The following PIAS4 variants were observed in gnomAD, a reference collection of about 807,000 sequenced individuals.
PIAS4 encodes protein inhibitor of activated STAT 4.
Under a neutral mutation model 58.0 loss-of-function variants are expected in PIAS4, and 7 were observed. The observed-to-expected ratio is 0.12, with a 90% CI of 0.07 to 0.23. The LOEUF is 0.23. Among genes scored for constraint, PIAS4 ranks in the 10% least tolerant of loss-of-function variants. The pLI is 1.00. For synonymous variants in PIAS4, 364 were observed against 312.4 expected (o/e 1.17, Z -1.74); for missense variants, 550 against 709.5 (o/e 0.78, Z 2.55).
At chr19:4,011,736 G>C (rs1162232780) in intron 1 of PIAS4, among the ~76,000 whole-genome samples, 1 of 59,154 alleles carries the variant, frequency 1.7e-5, no homozygotes, top group Non-Finnish European at 3.5e-5. Context: ...GGGTGTGGAG[G>C]TGTGTGGGGT....
intron 1 of PIAS4, among the ~76,000 whole-genome samples, chr19:4,010,108 A>G (rs1464819473): frequency 6.6e-6 from 1 of 152,186 alleles, no homozygotes; most frequent in Admixed American, 6.5e-5. Flanking sequence ...TTATAAACAC[A>G]GCTCTGACGG....
intron 1 of PIAS4, among the ~76,000 whole-genome samples, chr19:4,011,236 T>C (rs2039989632): frequency 6.6e-6 from 1 of 152,218 alleles, no homozygotes; most frequent in Non-Finnish European, 1.5e-5. Flanking sequence ...CCCTTGACGC[T>C]TGAGCTTTCT....
In PIAS4 at chr19:4,037,504, G is replaced by A. The variant is rs761658845; in HGVS notation, c.1273G>A (p.Gly425Ser). ...CSPQGAILVL[G>S]PSDANGLLPA... ...CCCGCAGGGCGCCATCCTCGTGCTG[G>A]GTGAGTGCCTCACCCCACCAGCCGC... Residue 425 changes from glycine (G) to serine (S), a missense_variant and splice_region_variant, in exon 10 of 11, where the codon GGC becomes AGC. Coordinates refer to ENST00000262971, the MANE Select transcript of PIAS4 (RefSeq NM_015897.4). The surrounding 1 kb of genome is among the most constrained non-coding windows in gnomAD (Gnocchi z 5.8). 3.1e-6 allele frequency: 5 copies of A among 1,609,854 alleles called. No homozygotes were observed. Among genetic ancestry groups the A allele is most frequent in the Non-Finnish European group, 3.4e-6 (4 of 1,179,478 alleles).
Position 4,013,859 on chromosome 19 carries a change from G to T in PIAS4, c.454+510G>T, listed in dbSNP as rs145054396. On this transcript the variant is annotated intron_variant, in intron 2 of 10. Transcript: ENST00000262971. The surrounding 1 kb of genome is among the most constrained non-coding windows in gnomAD (Gnocchi z 5.1). ...GGTAGCGAGTGTGCACCTCCAAGCT[G>T]GGAGCTGGAGCCCTTTTTATAACCC... is the stretch of plus-strand genomic sequence containing the variant. Among the ~76,000 whole-genome samples, 609 of 152,258 alleles carry T rather than the reference G, an allele frequency of 4.0e-3. 5 individuals are homozygous for T. The highest frequency in any genetic ancestry group is 4.7e-3 in the Non-Finnish European group (317 of 68,016).
chr19:4,032,358 C>A (rs895334), intron 7 of PIAS4, among the ~76,000 whole-genome samples: 7 of 152,092 alleles, frequency 4.6e-5, no homozygotes, highest in Middle Eastern at 6.8e-3. Context: ...GGCCTGCCCC[C>A]CATGGCCCAG....
intron 2 of PIAS4, among the ~76,000 whole-genome samples, chr19:4,014,944 C>A (rs1391555569): frequency 6.6e-6 from 1 of 152,194 alleles, no homozygotes; most frequent in East Asian, 1.9e-4. Flanking sequence ...GAGGAAGGTG[C>A]TGTCGGTGGT....
At position 4,037,365 on chromosome 19, in the gene PIAS4, T is replaced by C; in HGVS notation, c.1143-9T>C. On this transcript the variant is annotated splice_polypyrimidine_tract_variant and intron_variant, in intron 9 of 10. Coordinates refer to ENST00000262971, the MANE Select transcript of PIAS4 (RefSeq NM_015897.4). The surrounding 1 kb of genome is among the most constrained non-coding windows in gnomAD (Gnocchi z 5.8). ...CCAGCCCCGGCGTCAGCTGTCCGCC[T>C]CGCCCCAGGCTCCTCTCGAAGATCC... 1 of 1,597,130 alleles carries C rather than the reference T, an allele frequency of 6.3e-7. No individual in the cohort carries two copies. Among genetic ancestry groups the C allele is most frequent in the Non-Finnish European group, 8.6e-7 (1 of 1,169,036 alleles).
chr19:4,037,111 G>A lies in PIAS4; in HGVS notation c.1143-263G>A, dbSNP rs189867646. Among the ~76,000 whole-genome samples the A allele has an allele frequency of 2.6e-5, 4 of 152,250 alleles. No individual in the cohort carries two copies. The highest frequency in any genetic ancestry group is 5.9e-5 in the Non-Finnish European group (4 of 68,040). On this transcript the variant is annotated intron_variant, in intron 9 of 10. Coordinates refer to ENST00000262971, the MANE Select transcript of PIAS4 (RefSeq NM_015897.4). The surrounding 1 kb of genome is among the most constrained non-coding windows in gnomAD (Gnocchi z 5.8). ...ACACTCCCTGCTCTTGTGGGTAGTT[G>A]GGGGCCACTGGGTATGTGTGTCCAT...
chr19:4,027,188 A>G (rs1016275360), intron 3 of PIAS4, among the ~76,000 whole-genome samples: 3 of 152,022 alleles, frequency 2.0e-5, no homozygotes, highest in African/African-American at 7.2e-5. Flanking sequence ...AGGTTTCACC[A>G]TATTGCCCAG....
chr19:4,016,054 C>T (rs1159307357), intron 2 of PIAS4, among the ~76,000 whole-genome samples: 1 of 152,336 alleles, frequency 6.6e-6, no homozygotes, highest in East Asian at 1.9e-4. Flanking sequence ...TCCCTCCTCC[C>T]GAGCCGACTG....
chr19:4,033,679 C>A, intron 9 of PIAS4, 99 bp downstream of exon 9: 2 of 1,009,586 alleles, frequency 2.0e-6, no homozygotes, highest in Non-Finnish European at 2.9e-6. Flanking sequence ...CCCAGCAAGA[C>A]ACAGCAGTGG....
At chr19:4,032,360 A>C (rs920573323) in intron 7 of PIAS4, among the ~76,000 whole-genome samples, 1 of 152,058 alleles carries the variant, frequency 6.6e-6, no homozygotes, top group Non-Finnish European at 1.5e-5. Flanking sequence ...CCTGCCCCCC[A>C]TGGCCCAGGG....
At position 4,037,891 on chromosome 19, in the gene PIAS4, C is replaced by T. The variant is rs1488738929; in HGVS notation, c.*16C>T. ...GGCCTGCTGACCCCGGCCGCACACT[C>T]GACTTTCCTGGTGCTCACCACGCAG... On this transcript the variant is annotated 3_prime_UTR_variant, in exon 11 of 11. Transcript: ENST00000262971. This position sits in a 1 kb window ranked among gnomAD's most constrained non-coding sequence, Gnocchi z 5.8. 14 of 1,566,404 alleles carry T rather than the reference C, an allele frequency of 8.9e-6. No homozygotes were observed. Among genetic ancestry groups the T allele is most frequent in the Admixed American group, 1.9e-5 (1 of 53,744 alleles).
rs374772990 is a variant in PIAS4, at chr19:4,028,677, C to T, written c.673-43C>T. On this transcript the variant is annotated intron_variant, in intron 5 of 10. Transcript: ENST00000262971. ...GGAGGGTGGGGGCCGTCGGATTTCCCAGCCGCTCTTGGCTCGAGGCTGAGC... is the reference window on the plus strand; with the variant it reads ...GGAGGGTGGGGGCCGTCGGATTTCCTAGCCGCTCTTGGCTCGAGGCTGAGC... 4 of 1,603,584 alleles carry T rather than the reference C, an allele frequency of 2.5e-6. No homozygotes were observed. In the African/African-American group the frequency reaches 5.4e-5, roughly 21 times the overall value.
In PIAS4 at chr19:4,039,234, G is replaced by A. The variant is rs2040335546; in HGVS notation, c.*1359G>A. 7.3e-6 allele frequency: 1 copy of A among 136,730 alleles called. No individual in the cohort carries two copies. The highest frequency in any genetic ancestry group is 6.8e-5 in the Admixed American group (1 of 14,802). 8.5% of individuals were successfully genotyped at this position (136,730 alleles called of 1,614,324 possible). A position where few individuals can be genotyped will look rare whatever the true frequency, so the allele number is the denominator to read the frequency against. ...AAGAAAGGGACGTGCATCTGGCCGA[G>A]GGCAGTTCAGTCTCACTGCAGAGCC... On this transcript the variant is annotated 3_prime_UTR_variant, in exon 11 of 11. Transcript: ENST00000262971.
chr19:4,029,203 G>T (rs1392445137), intron 7 of PIAS4, among the ~76,000 whole-genome samples, 167 bp downstream of exon 7: 1 of 152,186 alleles, frequency 6.6e-6, no homozygotes, highest in Non-Finnish European at 1.5e-5. Context: ...GTCTCTGGAG[G>T]ATACGGATGG....
chr19:4,021,742 C>A (rs78548012), intron 2 of PIAS4, among the ~76,000 whole-genome samples: 1 of 104,086 alleles, frequency 9.6e-6, no homozygotes, highest in Non-Finnish European at 2.0e-5. Context: ...TTTTCTTTTT[C>A]TTTTTTTTTT....
chr19:4,013,357 G>A lies in PIAS4; in HGVS notation c.454+8G>A. On this transcript the variant is annotated splice_region_variant and intron_variant, in intron 2 of 10. Transcript: ENST00000262971. The surrounding 1 kb of genome is among the most constrained non-coding windows in gnomAD (Gnocchi z 5.1). ...TGAAGCCCACCGAATTAGGTGAGTGGTCACCCTGGGGAGGCTGCGACTGGA... is the reference window on the plus strand; with the variant it reads ...TGAAGCCCACCGAATTAGGTGAGTGATCACCCTGGGGAGGCTGCGACTGGA... 1 of 1,609,064 alleles carries A rather than the reference G, an allele frequency of 6.2e-7. No individual in the cohort carries two copies. Among genetic ancestry groups the A allele is most frequent in the Non-Finnish European group, 8.5e-7 (1 of 1,177,382 alleles).
At chr19:4,016,447 T>G (rs1163220877) in intron 2 of PIAS4, among the ~76,000 whole-genome samples, 2 of 152,226 alleles carry the variant, frequency 1.3e-5, no homozygotes, top group Admixed American at 6.5e-5. Context: ...GTGCTGTGTG[T>G]AGGCACCTGT....
Sources: gnomAD v4.1 joint callset for allele counts (sites outside exome capture counted in the v4.1 genomes callset) on GRCh38, gnomAD v4.1.1 for gene constraint, Gnocchi (gnomAD v3.1) non-coding constraint, MANE v1.5 for transcripts, NCBI Gene and HGNC (gene_info 2026-07-23, HGNC 2026-07-21) for gene names.